Variants in XPA observed in about 807,000 individuals in gnomAD.
XPA encodes DNA repair protein complementing XP-A cells.
A neutral mutation model predicts 35.7 loss-of-function variants in XPA; 27 were observed. The observed-to-expected ratio is 0.76, with a 90% CI of 0.56 to 1.04. The LOEUF (loss-of-function observed/expected upper bound fraction) is 1.04. Ranked by LOEUF, XPA falls within the 50% of genes least tolerant of loss-of-function variation. XPA has a pLI of 0.00. For missense variants in XPA, 354 were observed against 342.7 expected, an observed-to-expected ratio of 1.03 and a Z score of -0.26; for synonymous variants, 133 against 118.4, an observed-to-expected ratio of 1.12 and a Z score of -0.80.
At chr9:97,658,865 T>G in the XPA span, 1 of 738,288 alleles carries the variant, frequency 1.4e-6, no homozygotes, top group African/African-American at 1.8e-5. Flanking sequence ...TTCCTGTATT[T>G]GAAAGGTGGT....
chr9:97,658,857 C>G, the XPA span: 6 of 789,534 alleles, frequency 7.6e-6, no homozygotes, highest in African/African-American at 1.7e-5. Flanking sequence ...GTTTATATTT[C>G]CTGTATTTGA....
At chr9:97,656,961 T>G in the XPA span, among the ~76,000 whole-genome samples, 4 of 152,216 alleles carry the variant, frequency 2.6e-5, no homozygotes, top group Admixed American at 1.3e-4. Flanking sequence ...TGGAGTGTTT[T>G]TTTTGTTTTG....
In XPA at chr9:97,675,572, ACTGCTCGCC is replaced by A; in HGVS notation, c.680_688del (p.Arg227_Val230delinsLeu). 4 of 1,613,892 alleles carry A rather than the reference ACTGCTCGCC, an allele frequency of 2.5e-6. No homozygotes were observed. Among genetic ancestry groups the A allele is most frequent in the Non-Finnish European group, 2.5e-6 (3 of 1,179,926 alleles). On this transcript the variant is annotated inframe_deletion, in exon 6 of 6. Transcript: ENST00000375128. ...CTCCCTTTTCCACACGCTGCTTCTT[ACTGCTCGCC>A]GCAATTCTGAAAAAAAAATTTTAAA...
the XPA span, among the ~76,000 whole-genome samples, chr9:97,658,375 G>A: frequency 1.3e-5 from 2 of 152,160 alleles, no homozygotes; most frequent in South Asian, 2.1e-4. Flanking sequence ...TCTCCACCAT[G>A]CCCCATCATC....
At chr9:97,662,620 C>G in the XPA span, among the ~76,000 whole-genome samples, 4 of 152,222 alleles carry the variant, frequency 2.6e-5, no homozygotes, top group African/African-American at 9.6e-5. Context: ...CCATCTCTGT[C>G]TCCAAGGCTT....
At chr9:97,668,989 G>GATACATTTAT in the XPA span, 1 of 1,595,048 alleles carries the variant, frequency 6.3e-7, no homozygotes, top group Middle Eastern at 1.7e-4. Context: ...CTTGGCTTGG[G>GATACATTTAT]ACATTTATAC....
intron 1 of XPA, 72 bp downstream of exon 1, chr9:97,697,049 G>A (rs1829069477): frequency 6.8e-7 from 1 of 1,464,488 alleles, no homozygotes; most frequent in African/African-American, 1.5e-5. Flanking sequence ...CCCGGGACTC[G>A]GCTTGCACGA....
At chr9:97,673,330 C>G (rs1166653308), downstream of XPA, 1 of 152,060 alleles carries the variant, frequency 6.6e-6, no homozygotes, top group Non-Finnish European at 1.5e-5. Context: ...ACTCCTGTCT[C>G]AAAAAACCAA....
chr9:97,658,279 T>C, the XPA span, among the ~76,000 whole-genome samples: 1 of 152,324 alleles, frequency 6.6e-6, no homozygotes, highest in South Asian at 2.1e-4. Flanking sequence ...GTAAACACCT[T>C]CTCAGGCAGT....
the XPA span, among the ~76,000 whole-genome samples, chr9:97,668,052 GA>G: frequency 5.3e-5 from 8 of 152,182 alleles, no homozygotes. Context: ...GCTTAAAGTG[GA>G]GAGATCAGTA....
At chr9:97,667,670 C>CT in the XPA span, among the ~76,000 whole-genome samples, 11 of 152,178 alleles carry the variant, frequency 7.2e-5, no homozygotes, top group African/African-American at 2.7e-4. Context: ...ACTCCAGAGA[C>CT]TTTTCTCTCA....
chr9:97,654,959 T>C, the XPA span: 3 of 1,562,278 alleles, frequency 1.9e-6, no homozygotes, highest in Non-Finnish European at 2.6e-6. Context: ...AGTAATCGCT[T>C]TACTGCTGAG....
intron 5 of XPA, among the ~76,000 whole-genome samples, chr9:97,683,986 C>T (rs753176073): frequency 2.6e-5 from 4 of 152,144 alleles, no homozygotes; most frequent in Non-Finnish European, 5.9e-5. Context: ...GTTATCTCTA[C>T]ACACTGTACA....
the XPA span, among the ~76,000 whole-genome samples, chr9:97,659,731 G>A: frequency 3.3e-5 from 5 of 152,104 alleles, no homozygotes; most frequent in South Asian, 2.1e-4. Context: ...TACTGGTTCC[G>A]AGAATGATAA....
chr9:97,691,906 T>A (rs9697156), intron 2 of XPA, among the ~76,000 whole-genome samples: 13,550 of 146,316 alleles, frequency 0.093, 2,177 homozygotes, highest in African/African-American at 0.32. Flanking sequence ...TATATATATA[T>A]ATATATATAT....
the XPA span, among the ~76,000 whole-genome samples, chr9:97,657,512 A>C: frequency 6.6e-6 from 1 of 152,140 alleles, no homozygotes; most frequent in Non-Finnish European, 1.5e-5. Flanking sequence ...ATCCTGATCC[A>C]CCTGGTCATG....
intron 1 of XPA, among the ~76,000 whole-genome samples, chr9:97,695,124 C>T (rs1829003114): frequency 6.6e-6 from 1 of 152,152 alleles, no homozygotes; most frequent in South Asian, 2.1e-4. Flanking sequence ...TCTAAGGTTC[C>T]GGAAGTGTAC....
At chr9:97,665,191 A>G in the XPA span, among the ~76,000 whole-genome samples, 3,297 of 152,348 alleles carry the variant, frequency 0.022, 48 homozygotes, top group Non-Finnish European at 0.031. Context: ...TGTTAGGGTG[A>G]TAGGGTGTGA....
the XPA span, chr9:97,668,796 C>T: frequency 1.6e-5 from 25 of 1,583,886 alleles, no homozygotes; most frequent in Non-Finnish European, 2.1e-5. Flanking sequence ...GGAGATTTAA[C>T]ACACTGGAAT....
Sources: allele counts gnomAD v4.1 joint callset (sites outside exome capture counted in the v4.1 genomes callset), GRCh38; gene constraint gnomAD v4.1.1; transcripts MANE v1.5; gene names NCBI Gene and HGNC (gene_info 2026-07-23, HGNC 2026-07-21).